SSBP3: variants seen among roughly 807,000 people sequenced by gnomAD.
SSBP3 encodes the protein single stranded DNA binding protein 3, also known as single-stranded DNA-binding protein 3.
A neutral mutation model predicts 69.6 loss-of-function variants in SSBP3; 5 were observed. That is an observed-to-expected ratio of 0.07 (90% CI 0.04 to 0.15). SSBP3 has a LOEUF of 0.15. Ranked by LOEUF, SSBP3 falls within the 10% of genes least tolerant of loss-of-function variation. The probability of loss-of-function intolerance (pLI) is 1.00; values close to 1 mark genes in which losing one functional copy is unlikely to be tolerated. For synonymous variants in SSBP3, 196 were observed against 193.4 expected, an observed-to-expected ratio of 1.01 and a Z score of -0.11; for missense variants, 312 against 534.0, an observed-to-expected ratio of 0.58 and a Z score of 4.10.
chr1:54,309,938 G>C (rs1445683069), intron 4 of SSBP3, among the ~76,000 whole-genome samples: 1 of 152,156 alleles, frequency 6.6e-6, no homozygotes, highest in Non-Finnish European at 1.5e-5. Context: ...TGTTGGTGCG[G>C]GAAGGGGTGG....
intron 4 of SSBP3, among the ~76,000 whole-genome samples, chr1:54,283,464 G>A (rs948397903): frequency 1.3e-5 from 2 of 152,190 alleles, no homozygotes; most frequent in African/African-American, 4.8e-5. Context: ...AAGCCACTCG[G>A]ACTTTCTGAA....
upstream of SSBP3, among the ~76,000 whole-genome samples, chr1:54,409,705 T>C (rs916009015): frequency 2.0e-5 from 3 of 152,182 alleles, no homozygotes; most frequent in African/African-American, 7.2e-5. Context: ...CCCTGACTCA[T>C]ATTCTCTCTG....
chr1:54,292,284 C>A (rs1645621472), intron 4 of SSBP3, among the ~76,000 whole-genome samples: 1 of 152,250 alleles, frequency 6.6e-6, no homozygotes, highest in South Asian at 2.1e-4. Context: ...CTACCGAATT[C>A]TTCAGACTGA....
chr1:54,251,552 C>T (rs1196821715), intron 9 of SSBP3, 64 bp downstream of exon 9: 1 of 1,490,202 alleles, frequency 6.7e-7, no homozygotes, highest in Admixed American at 2.0e-5. Context: ...AGCATGGAAA[C>T]AGGAGAGAAG....
intron 4 of SSBP3, among the ~76,000 whole-genome samples, chr1:54,304,605 A>C (rs1014610071): frequency 1.3e-5 from 2 of 152,216 alleles, no homozygotes; most frequent in Admixed American, 6.5e-5. Context: ...CAGTTCCTGC[A>C]AAGGCTGCAT....
In SSBP3 at chr1:54,386,683, C is replaced by CTTTTTT. The variant is rs58429798; in HGVS notation, c.276+15172_276+15177dup. 2.9e-3 allele frequency among the ~76,000 whole-genome samples: 224 copies of CTTTTTT among 76,064 alleles called. 20 individuals carry two copies. The highest frequency in any genetic ancestry group is 5.0e-3 in the East Asian group (14 of 2,806). The allele number at this position is 76,064 out of a possible 152,430, so 49.9% of individuals were successfully genotyped here. ...ATCCACAATGTATAAACTGATCCTACTTTTTTTTTTTTTTTTTTTTTAAGA... is the reference window on the plus strand; with the variant it reads ...ATCCACAATGTATAAACTGATCCTACTTTTTTTTTTTTTTTTTTTTTTTTTTTAAGA... On this transcript the variant is annotated intron_variant, in intron 4 of 17. Coordinates refer to ENST00000610401, the Ensembl canonical transcript of SSBP3.
At chr1:54,291,307 G>A (rs545946654) in intron 4 of SSBP3, among the ~76,000 whole-genome samples, 1 of 152,300 alleles carries the variant, frequency 6.6e-6, no homozygotes, top group East Asian at 1.9e-4. Flanking sequence ...AGGACAAAAT[G>A]TACACAGTCT....
At chr1:54,411,951 C>T (rs1459624190) in intron 1 of SSBP3, among the ~76,000 whole-genome samples, 1 of 151,236 alleles carries the variant, frequency 6.6e-6, no homozygotes, top group African/African-American at 2.4e-5. Flanking sequence ...GGAGAGGAAC[C>T]TGACACCCAC....
chr1:54,352,674 G>C (rs1646799287), intron 4 of SSBP3, among the ~76,000 whole-genome samples: 1 of 152,190 alleles, frequency 6.6e-6, no homozygotes, highest in African/African-American at 2.4e-5. Flanking sequence ...GCTGCGTCTT[G>C]CCGTTTGACC....
intron 4 of SSBP3, among the ~76,000 whole-genome samples, chr1:54,294,696 G>A (rs1645673422): frequency 6.6e-6 from 1 of 152,142 alleles, no homozygotes; most frequent in Non-Finnish European, 1.5e-5. Context: ...CTCTCGGCCA[G>A]CCTCCCTTCC....
At chr1:54,367,698 G>A (rs193162655) in intron 4 of SSBP3, among the ~76,000 whole-genome samples, 1 of 152,264 alleles carries the variant, frequency 6.6e-6, no homozygotes, top group African/African-American at 2.4e-5. Context: ...CCTTTGCTAG[G>A]AGCAACACTA....
intron 14 of SSBP3, chr1:54,238,707 C>T (rs577170449): frequency 1.9e-5 from 6 of 309,418 alleles, no homozygotes; most frequent in Admixed American, 1.4e-4. Flanking sequence ...GGTCCCCCAG[C>T]GAGCCCTGTC....
In SSBP3 at chr1:54,261,091, C is replaced by T. The variant is rs538559114; in HGVS notation, c.367-2942G>A. On this transcript the variant is annotated intron_variant, in intron 5 of 17. Transcript: ENST00000610401. ...GTGTCTCTGCTACCTCCACTCAGCCCGGAGCTCCGTCACTACGTTCCCTGT... is the reference window on the plus strand; with the variant it reads ...GTGTCTCTGCTACCTCCACTCAGCCTGGAGCTCCGTCACTACGTTCCCTGT... Among the ~76,000 whole-genome samples, 43 of 152,336 alleles carry T rather than the reference C, an allele frequency of 2.8e-4. 1 individual carries two copies. The highest frequency in any genetic ancestry group is 9.9e-4 in the African/African-American group (41 of 41,578).
intron 4 of SSBP3, among the ~76,000 whole-genome samples, chr1:54,332,198 G>A (rs965531342): frequency 6.6e-6 from 1 of 152,208 alleles, no homozygotes; most frequent in African/African-American, 2.4e-5. Context: ...CAGGAGGCAA[G>A]GGGGGTGGCA....
At chr1:54,250,575 A>G (rs1644810750) in intron 9 of SSBP3, among the ~76,000 whole-genome samples, 1 of 152,168 alleles carries the variant, frequency 6.6e-6, no homozygotes, top group Non-Finnish European at 1.5e-5. Flanking sequence ...CAGGGGACCC[A>G]GAAACCAGTG....
chr1:54,302,244 G>C (rs1055980178), intron 4 of SSBP3, among the ~76,000 whole-genome samples: 1 of 152,014 alleles, frequency 6.6e-6, no homozygotes, highest in Non-Finnish European at 1.5e-5. Context: ...CCGGTGCTTA[G>C]TTAGTGCAGG....
intron 4 of SSBP3, among the ~76,000 whole-genome samples, chr1:54,360,123 A>T (rs1488737961): frequency 2.6e-5 from 4 of 152,226 alleles, no homozygotes; most frequent in Non-Finnish European, 5.9e-5. Context: ...TCGGTTTTGG[A>T]ATCAATTACA....
Position 54,371,490 on chromosome 1 carries a change from G to A in SSBP3, c.276+30371C>T, listed in dbSNP as rs527534422. On this transcript the variant is annotated intron_variant, in intron 4 of 17. Transcript: ENST00000610401. ...GTGCCTGCTGGGGCCTTCCTCTACT[G>A]TGACACGGGCACAGGAATGGGAGAG... is the stretch of plus-strand genomic sequence containing the variant. Among the ~76,000 whole-genome samples the A allele has an allele frequency of 3.3e-4, 51 of 152,306 alleles. No individual in the cohort carries two copies. In the South Asian group the frequency reaches 4.8e-3, roughly 14 times the overall value.
At chr1:54,387,160 C>G (rs1648148323) in intron 4 of SSBP3, among the ~76,000 whole-genome samples, 1 of 152,228 alleles carries the variant, frequency 6.6e-6, no homozygotes, top group South Asian at 2.1e-4. Context: ...TCCCAAAGCG[C>G]CCACTGGGCT....
Sources: gnomAD v4.1 joint callset for allele counts (sites outside exome capture counted in the v4.1 genomes callset) on GRCh38, gnomAD v4.1.1 for gene constraint, MANE v1.5 for transcripts, NCBI Gene and HGNC (gene_info 2026-07-23, HGNC 2026-07-21) for gene names.